INSIG1: variants seen among roughly 807,000 people sequenced by gnomAD.
INSIG1 encodes insulin-induced gene 1 protein.
In INSIG1, 14 loss-of-function variants were observed where a neutral mutation model predicts 26.5. The observed-to-expected ratio is 0.53, with a 90% confidence interval of 0.35 to 0.83. INSIG1 has a LOEUF of 0.83. Among genes scored for constraint, INSIG1 ranks in the 40% least tolerant of loss-of-function variants. INSIG1 has a pLI of 0.01. For synonymous variants in INSIG1, 147 were observed against 153.3 expected (o/e 0.96, Z 0.30); for missense variants, 272 against 368.9 (o/e 0.74, Z 2.15).
At chr7:155,305,292 G>C (rs1449493481) in intron 5 of INSIG1, among the ~76,000 whole-genome samples, 1 of 151,966 alleles carries the variant, frequency 6.6e-6, no homozygotes, top group Admixed American at 6.6e-5. Flanking sequence ...CTTACCTCTG[G>C]ATCCCAACTG....
At chr7:155,303,962 A>G in intron 5 of INSIG1, 1 of 790,880 alleles carries the variant, frequency 1.3e-6, no homozygotes, top group Non-Finnish European at 1.8e-6. Context: ...TGGAGAAGAA[A>G]GGACTTTGCT....
intron 2 of INSIG1, among the ~76,000 whole-genome samples, chr7:155,300,814 T>C (rs758139840): frequency 4.6e-5 from 7 of 152,216 alleles, no homozygotes; most frequent in Non-Finnish European, 7.3e-5. Context: ...CCACGTCCCA[T>C]CAGAGGGCAA....
chr7:155,307,193 T>C (rs1797959651), intron 5 of INSIG1, among the ~76,000 whole-genome samples: 1 of 152,182 alleles, frequency 6.6e-6, no homozygotes, highest in Non-Finnish European at 1.5e-5. Context: ...CCTAAAAGCA[T>C]GTATGTTTCC....
intron 5 of INSIG1, among the ~76,000 whole-genome samples, chr7:155,303,209 G>A (rs1797836724): frequency 6.6e-6 from 1 of 152,208 alleles, no homozygotes; most frequent in African/African-American, 2.4e-5. Context: ...ATGACCTCAT[G>A]CAGTGATACT....
intron 5 of INSIG1, chr7:155,303,753 G>A (rs1797857889): frequency 9.2e-6 from 7 of 756,976 alleles, no homozygotes; most frequent in South Asian, 1.8e-5. Flanking sequence ...TGTTGCTCTC[G>A]GAGATAAGCT....
At position 155,302,198 on chromosome 7, in the gene INSIG1, T is replaced by A. The variant is rs1797807876; in HGVS notation, c.538-53T>A. The A allele has an allele frequency of 2.1e-6, 3 of 1,447,558 alleles. No individual in the cohort carries two copies. The highest frequency in any genetic ancestry group is 2.8e-6 in the Non-Finnish European group (3 of 1,080,634). 89.7% of individuals were successfully genotyped at this position (1,447,558 alleles called of 1,614,324 possible). ...GTTTTTAACCCTTGTGGTTTTACGT[T>A]TTTTTATCTTAATAAGAGTCAGCAA... On this transcript the variant is annotated intron_variant, in intron 3 of 5. Coordinates refer to ENST00000340368, the MANE Select transcript of INSIG1 (RefSeq NM_005542.6). This position sits in a 1 kb window ranked among gnomAD's most constrained non-coding sequence, Gnocchi z 4.3.
At chr7:155,308,214 C>G (rs1390345205) in intron 5 of INSIG1, 27 bp from the exon 6 acceptor site, 1 of 1,222,202 alleles carries the variant, frequency 8.2e-7, no homozygotes, top group South Asian at 1.3e-5. Context: ...TTTTCTCTTT[C>G]CTTTTTTTTT....
chr7:155,299,273 C>A (rs1460911954), intron 2 of INSIG1, among the ~76,000 whole-genome samples: 1 of 152,190 alleles, frequency 6.6e-6, no homozygotes, highest in Non-Finnish European at 1.5e-5. Flanking sequence ...AGATTACGTT[C>A]TTAAGGAAAA....
chr7:155,306,442 C>T (rs925615910), intron 5 of INSIG1, among the ~76,000 whole-genome samples: 13 of 152,374 alleles, frequency 8.5e-5, no homozygotes, highest in Middle Eastern at 3.4e-3. Flanking sequence ...TGCCACTGCC[C>T]GGCCCCACTG....
At chr7:155,306,513 C>G (rs932894682) in intron 5 of INSIG1, among the ~76,000 whole-genome samples, 10 of 152,198 alleles carry the variant, frequency 6.6e-5, no homozygotes, top group Non-Finnish European at 1.2e-4. Context: ...ATTTGCCGTT[C>G]CTGTTTTTGA....
chr7:155,303,966 C>A, intron 5 of INSIG1: 98 of 485,168 alleles, frequency 2.0e-4, no homozygotes, highest in Non-Finnish European at 2.8e-4. Flanking sequence ...GAAGAAAGGA[C>A]TTTGCTTGCC....
At position 155,308,926 on chromosome 7, in the gene INSIG1, A is replaced by G. The variant is rs1447323352; in HGVS notation, c.*656A>G. On this transcript the variant is annotated 3_prime_UTR_variant, in exon 6 of 6. Transcript: ENST00000340368. Reference sequence around the variant, plus strand: ...ATTCCTCCCGTGGCAGTTTGTGTAGACAATCTTACTGAGCAAAAGGCAATG... The same window carrying G: ...ATTCCTCCCGTGGCAGTTTGTGTAGGCAATCTTACTGAGCAAAAGGCAATG... 6.6e-6 allele frequency: 1 copy of G among 152,650 alleles called. No individual in the cohort carries two copies. The highest frequency in any genetic ancestry group is 1.5e-5 in the Non-Finnish European group (1 of 68,046). The allele number at this position is 152,650 out of a possible 1,614,324, so 9.5% of individuals were successfully genotyped here. A position where few individuals can be genotyped will look rare whatever the true frequency, so the allele number is the denominator to read the frequency against.
Position 155,298,240 on chromosome 7 carries a change from G to C in INSIG1, c.-27-19G>C. 7.0e-7 allele frequency: 1 copy of C among 1,437,818 alleles called. No homozygotes were observed. The highest frequency in any genetic ancestry group is 9.1e-7 in the Non-Finnish European group (1 of 1,097,750). The allele number at this position is 1,437,818 out of a possible 1,614,324, so 89.1% of individuals were successfully genotyped here. A position where few individuals can be genotyped will look rare whatever the true frequency, so the allele number is the denominator to read the frequency against. On this transcript the variant is annotated intron_variant, in intron 1 of 5. Coordinates refer to ENST00000340368, the MANE Select transcript of INSIG1 (RefSeq NM_005542.6). ...CTCTTTGTCTCTTCTGAGTGAACTTGATGACCCCCTTCTTCCAGGAAGCGC... is the reference window on the plus strand; with the variant it reads ...CTCTTTGTCTCTTCTGAGTGAACTTCATGACCCCCTTCTTCCAGGAAGCGC...
rs777837279 is a variant in INSIG1, at chr7:155,298,576, C to T, written c.291C>T (p.Val97=). ...TCGTGCTCTTCTCGGTTGGGGTGGT[C>T]CTAGCCCTGGTGCTCAACCTGCTGC... is the stretch of plus-strand genomic sequence containing the variant. The part of the protein sequence containing the change: ...RSLVLFSVGV[V]LALVLNLLQI... Residue 97 remains valine (V), a synonymous_variant, in exon 2 of 6, where the codon GTC becomes GTT. Transcript: ENST00000340368. 17 of 1,611,744 alleles carry T rather than the reference C, an allele frequency of 1.1e-5. No individual in the cohort carries two copies. The highest frequency in any genetic ancestry group is 1.4e-5 in the Non-Finnish European group (17 of 1,179,224).
intron 5 of INSIG1, among the ~76,000 whole-genome samples, chr7:155,307,664 T>C (rs1015985415): frequency 2.0e-5 from 3 of 152,168 alleles, no homozygotes; most frequent in Non-Finnish European, 4.4e-5. Context: ...TCTGTGTGAA[T>C]TGAGGGCACA....
intron 2 of INSIG1, among the ~76,000 whole-genome samples, chr7:155,298,991 C>T (rs959981536): frequency 6.6e-6 from 1 of 152,222 alleles, no homozygotes; most frequent in African/African-American, 2.4e-5. Flanking sequence ...GAGGGCCCTT[C>T]CCTCCTGGCG....
chr7:155,302,844 A>G lies in INSIG1; in HGVS notation c.802A>G (p.Met268Val), dbSNP rs756170771. ...GGGGAACATAGGACGACAGTTAGCT[A>G]TGGTAAGTGAAATGATCATATTATC... ...TVGNIGRQLAMGVPEKPHSD is the reference protein window; with the variant it reads ...TVGNIGRQLAVGVPEKPHSD Residue 268 changes from methionine to valine, a missense_variant and splice_region_variant, in exon 5 of 6, where the codon ATG becomes GTG. This residue lies in a region of INSIG1 where 111 missense variants were observed against 189.8 expected (regional missense o/e 0.58). Transcript: ENST00000340368. This position sits in a 1 kb window ranked among gnomAD's most constrained non-coding sequence, Gnocchi z 4.3. 2 of 1,579,666 alleles carry G rather than the reference A, an allele frequency of 1.3e-6. No individual in the cohort carries two copies. Among genetic ancestry groups the G allele is most frequent in the Non-Finnish European group, 1.7e-6 (2 of 1,148,938 alleles).
intron 1 of INSIG1, 145 bp downstream of exon 1, chr7:155,298,104 C>A: frequency 2.0e-6 from 1 of 509,498 alleles, no homozygotes; most frequent in Non-Finnish European, 3.2e-6. Flanking sequence ...GCTGTGAGCG[C>A]GGGTCCCGTC....
intron 1 of INSIG1, 37 bp downstream of exon 1, chr7:155,297,996 T>G: frequency 6.9e-6 from 2 of 291,670 alleles, no homozygotes; most frequent in Non-Finnish European, 1.3e-5. Context: ...GCGGGCGGGC[T>G]TTGGTCGCGC....
Sources: gnomAD v4.1 joint callset for allele counts (sites outside exome capture counted in the v4.1 genomes callset) on GRCh38, gnomAD v4.1.1 for gene constraint, gnomAD v4.1.1 regional missense constraint, Gnocchi (gnomAD v3.1) non-coding constraint, MANE v1.5 for transcripts, NCBI Gene and HGNC (gene_info 2026-07-23, HGNC 2026-07-21) for gene names.